The following RGPD1 variants were observed in gnomAD, a reference collection of about 807,000 sequenced individuals.
The protein encoded by RGPD1 is RANBP2 like and GRIP domain containing 1.
In RGPD1, 7 loss-of-function variants were observed where a neutral mutation model predicts 40.6. The ratio of observed to expected loss-of-function variants is 0.17; its 90% CI spans 0.10 to 0.32. The LOEUF is 0.32. Among genes scored for constraint, RGPD1 ranks in the 10% least tolerant of loss-of-function variants. The probability of loss-of-function intolerance (pLI) is 1.00; values close to 1 mark genes in which losing one functional copy is unlikely to be tolerated. For synonymous variants in RGPD1, 24 were observed against 167.0 expected, an observed-to-expected ratio of 0.14 and a Z score of 6.60; for missense variants, 50 against 472.5, an observed-to-expected ratio of 0.11 and a Z score of 8.29.
chr2:86,928,681 C>T (rs1008509710), intron 1 of RGPD1, among the ~76,000 whole-genome samples: 19 of 152,112 alleles, frequency 1.2e-4, no homozygotes, highest in African/African-American at 4.6e-4. Flanking sequence ...CTATTGTAAA[C>T]GTCTAGAAAT....
At chr2:86,928,468 ATCCTCT>A (rs1678667122) in intron 1 of RGPD1, among the ~76,000 whole-genome samples, 1 of 152,164 alleles carries the variant, frequency 6.6e-6, no homozygotes, top group Non-Finnish European at 1.5e-5. Flanking sequence ...GAGGGACAGG[ATCCTCT>A]ATGGTATATG....
At chr2:86,933,245 A>C (rs1268650240) in intron 1 of RGPD1, among the ~76,000 whole-genome samples, 3 of 150,270 alleles carry the variant, frequency 2.0e-5, no homozygotes, top group Admixed American at 1.3e-4. Context: ...TAATTTATCT[A>C]CAAAAACATG....
At chr2:86,918,374 A>G (rs1388324391) in intron 1 of RGPD1, among the ~76,000 whole-genome samples, 1 of 148,554 alleles carries the variant, frequency 6.7e-6, no homozygotes, top group Non-Finnish European at 1.5e-5. Flanking sequence ...CTGAAAAAAA[A>G]TCACTCTAGA....
rs1365505975 is a variant in RGPD1 at position 86,914,074 on chromosome 2, G to GC, written c.72+155dup. Among the ~76,000 whole-genome samples the GC allele has an allele frequency of 1.8e-3, 129 of 69,974 alleles. 23 individuals are homozygous for GC. The highest frequency in any genetic ancestry group is 3.3e-3 in the African/African-American group (52 of 15,702). 45.9% of individuals were successfully genotyped at this position (69,974 alleles called of 152,430 possible). On this transcript the variant is annotated intron_variant, in intron 1 of 22. Transcript: ENST00000398193. ...GGCGGCGGCCTCGGCCTCGGCCCCG[G>GC]CCTGGCCGGGCGGCGGCGGCGGCGG...
intron 1 of RGPD1, among the ~76,000 whole-genome samples, chr2:86,929,689 CTTTTTTTTTTT>C (rs753911867): frequency 5.7e-5 from 3 of 52,616 alleles, no homozygotes; most frequent in Non-Finnish European, 7.5e-5. Flanking sequence ...AGCCCACACT[CTTTTTTTTTTT>C]TTTTTTTTTT....
intron 6 of RGPD1, among the ~76,000 whole-genome samples, chr2:86,960,705 T>C: frequency 1.0e-5 from 1 of 100,276 alleles, no homozygotes; most frequent in South Asian, 3.0e-4. Flanking sequence ...TTCTCCTGCC[T>C]CAGCCTCCCG....
chr2:86,918,239 C>A (rs1214712045), intron 1 of RGPD1, among the ~76,000 whole-genome samples: 1 of 148,418 alleles, frequency 6.7e-6, no homozygotes, highest in Admixed American at 6.7e-5. Context: ...CACCCTCTTC[C>A]CCCAGTAACA....
At chr2:86,940,920 A>T (rs1679690491), upstream of RGPD1, among the ~76,000 whole-genome samples, 1 of 152,246 alleles carries the variant, frequency 6.6e-6, no homozygotes, top group Non-Finnish European at 1.5e-5. Flanking sequence ...TGTGGGCCAC[A>T]CACACTGGTA....
chr2:86,933,605 CATT>C (rs1241777632), intron 1 of RGPD1, among the ~76,000 whole-genome samples: 4 of 131,080 alleles, frequency 3.1e-5, no homozygotes, highest in Non-Finnish European at 6.6e-5. Flanking sequence ...CATTCATAAT[CATT>C]GTGACATTTT....
At chr2:86,997,245 A>G (rs1179714732) in intron 21 of RGPD1, among the ~76,000 whole-genome samples, 2 of 50,236 alleles carry the variant, frequency 4.0e-5, no homozygotes, top group Non-Finnish European at 7.0e-5. Flanking sequence ...AACCCCAAAT[A>G]GCTTAGGACA....
chr2:86,914,014 G>A lies in RGPD1; in HGVS notation c.72+93G>A, dbSNP rs1208660667. ...GCGGCGGCGGCCTCGGCCTCGGCCT[G>A]GCCGGGCGGCGGCGGCGGCGGCGGC... On this transcript the variant is annotated intron_variant, in intron 1 of 22. Coordinates refer to the RGPD1 transcript ENST00000398193. The A allele has an allele frequency of 7.4e-6, 4 of 539,680 alleles. 1 individual carries two copies. The highest frequency in any genetic ancestry group is 8.4e-6 in the Non-Finnish European group (4 of 474,360). 33.4% of individuals were successfully genotyped at this position (539,680 alleles called of 1,614,324 possible). A position where few individuals can be genotyped will look rare whatever the true frequency, so the allele number is the denominator to read the frequency against.
At chr2:86,914,886 CCTCGACCT>C (rs1677711820) in intron 1 of RGPD1, among the ~76,000 whole-genome samples, 1 of 22,404 alleles carries the variant, frequency 4.5e-5, no homozygotes, top group Non-Finnish European at 8.5e-5. Context: ...GCGGCGGCGG[CCTCGACCT>C]GGCCGGGCGG....
At chr2:87,006,594 T>C (rs1400086132) in intron 22 of RGPD1, among the ~76,000 whole-genome samples, 1 of 147,366 alleles carries the variant, frequency 6.8e-6, no homozygotes, top group East Asian at 2.0e-4. Context: ...ACCCCGTCTC[T>C]ACTAAAAACA....
At chr2:86,943,682 T>C (rs538656678) in intron 1 of RGPD1, among the ~76,000 whole-genome samples, 3 of 152,278 alleles carry the variant, frequency 2.0e-5, no homozygotes, top group Admixed American at 2.0e-4. Flanking sequence ...TAGCACTAAG[T>C]GTTAGCTACA....
upstream of RGPD1, chr2:86,913,784 G>C: frequency 1.4e-6 from 2 of 1,450,522 alleles, no homozygotes; most frequent in East Asian, 3.0e-5. Context: ...TTTCCTGTTG[G>C]AATTGGCGAC....
intron 1 of RGPD1, among the ~76,000 whole-genome samples, chr2:86,947,792 C>A (rs1359853005): frequency 5.5e-5 from 7 of 128,354 alleles, no homozygotes; most frequent in African/African-American, 2.0e-4. Context: ...ATAATCACGG[C>A]CTTCACCCTT....
At chr2:86,957,478 A>G (rs1349001954) in intron 4 of RGPD1, among the ~76,000 whole-genome samples, 1 of 152,306 alleles carries the variant, frequency 6.6e-6, no homozygotes, top group Non-Finnish European at 1.5e-5. Context: ...TGAAGAGAGT[A>G]TGAGCTACTG....
upstream of RGPD1, among the ~76,000 whole-genome samples, chr2:86,939,574 G>A (rs1189391907): frequency 4.9e-5 from 6 of 123,210 alleles, no homozygotes; most frequent in African/African-American, 1.4e-4. Context: ...GTGAAACTCC[G>A]TCTCAAAAAA....
At chr2:86,930,622 C>A in intron 1 of RGPD1, 1 of 1,611,108 alleles carries the variant, frequency 6.2e-7, no homozygotes. Context: ...CCAGTCTCCC[C>A]GCAGCAGTGA....
Sources: gnomAD v4.1 joint callset for allele counts (sites outside exome capture counted in the v4.1 genomes callset) on GRCh38, gnomAD v4.1.1 for gene constraint, MANE v1.5 for transcripts, NCBI Gene and HGNC (gene_info 2026-07-23, HGNC 2026-07-21) for gene names.